Variants in NUGGC observed in about 807,000 individuals in gnomAD.
The protein encoded by NUGGC is nuclear GTPase, germinal center associated.
NUGGC carries 58 observed loss-of-function variants against 92.6 expected under a neutral mutation model. That is an observed-to-expected ratio of 0.63 (90% CI 0.51 to 0.78). NUGGC has a LOEUF of 0.78. Among genes scored for constraint, NUGGC ranks in the 30% least tolerant of loss-of-function variants. The probability of loss-of-function intolerance (pLI) is 0.00; values close to 1 mark genes in which losing one functional copy is unlikely to be tolerated. For missense variants in NUGGC, 925 were observed against 964.6 expected (o/e 0.96, Z 0.54); for synonymous variants, 376 against 366.4 (o/e 1.03, Z -0.30).
chr8:28,032,970 G>C (rs1336555539), intron 14 of NUGGC, among the ~76,000 whole-genome samples: 1 of 151,702 alleles, frequency 6.6e-6, no homozygotes, highest in Non-Finnish European at 1.5e-5. Context: ...GACCAAACTG[G>C]TCAACACAGC....
At chr8:28,033,491 C>T (rs1460665090) in intron 14 of NUGGC, 49 bp downstream of exon 14, 2 of 1,567,314 alleles carry the variant, frequency 1.3e-6, no homozygotes, top group Admixed American at 1.8e-5. Context: ...ACTGGCTCCA[C>T]ATTCTTCCGA....
Position 28,037,863 on chromosome 8 carries a change from G to T in NUGGC, c.1611+3188C>A, listed in dbSNP as rs4732809. Among the ~76,000 whole-genome samples, 62 of 150,184 alleles carry T rather than the reference G, an allele frequency of 4.1e-4. 1 individual carries two copies. Among genetic ancestry groups the T allele is most frequent in the Admixed American group, 3.2e-3 (48 of 15,172 alleles). ...AGTGGGGGCTGCTACCAGCACCTAG[G>T]GGGTAGAGTCTAGGGATGAAACAAC... On this transcript the variant is annotated intron_variant, in intron 13 of 18. Coordinates refer to ENST00000413272, the MANE Select transcript of NUGGC (RefSeq NM_001010906.2).
intron 13 of NUGGC, 141 bp downstream of exon 13, chr8:28,040,910 G>A (rs1313139141): frequency 6.6e-6 from 5 of 759,824 alleles, no homozygotes; most frequent in Non-Finnish European, 1.0e-5. Context: ...CTCCCAAAGT[G>A]CTGGGATTAC....
Position 28,045,607 on chromosome 8 carries a change from T to G in NUGGC, c.1366A>C (p.Arg456=), listed in dbSNP as rs373092592. The change falls in exon 12 of 19, where the codon AGG becomes CGG. Residue 456 remains arginine, a synonymous_variant. Transcript: ENST00000413272. ...TCAGTCACATACTTGGTCACTGTCCTCTTCTTCTTGTCCAAGAGGCTCTTC... is the reference window on the plus strand; with the variant it reads ...TCAGTCACATACTTGGTCACTGTCCGCTTCTTCTTGTCCAAGAGGCTCTTC... ...IRKSLLDKKK[R]TVTKYVTEAF... is the part of the protein sequence containing the mutation. The G allele has an allele frequency of 1.2e-6, 2 of 1,612,960 alleles. No homozygotes were observed. The highest frequency in any genetic ancestry group is 1.7e-6 in the Non-Finnish European group (2 of 1,179,566).
At chr8:28,083,277 C>A (rs955083174) in intron 1 of NUGGC, among the ~76,000 whole-genome samples, 1 of 152,172 alleles carries the variant, frequency 6.6e-6, no homozygotes, top group Admixed American at 6.5e-5. Context: ...GTGATGAGAA[C>A]AGCACTTTAA....
At chr8:28,035,187 C>G (rs185637389) in intron 13 of NUGGC, among the ~76,000 whole-genome samples, 4 of 152,360 alleles carry the variant, frequency 2.6e-5, no homozygotes, top group African/African-American at 9.6e-5. Context: ...TCTCAGCCCC[C>G]ACTCACTCAT....
At chr8:28,037,592 C>T (rs1809588087) in intron 13 of NUGGC, among the ~76,000 whole-genome samples, 1 of 152,208 alleles carries the variant, frequency 6.6e-6, no homozygotes, top group Admixed American at 6.5e-5. Context: ...AAAATGAACT[C>T]TACTCCTGCC....
chr8:28,056,972 T>C (rs865856935), intron 9 of NUGGC, among the ~76,000 whole-genome samples: 8 of 152,320 alleles, frequency 5.3e-5, no homozygotes, highest in Middle Eastern at 3.4e-3. Context: ...GTGATACTAA[T>C]GATCTCCATG....
intron 13 of NUGGC, among the ~76,000 whole-genome samples, chr8:28,036,131 C>T (rs1323194030): frequency 6.6e-6 from 1 of 152,174 alleles, no homozygotes; most frequent in Non-Finnish European, 1.5e-5. Flanking sequence ...GCCTCAGCCT[C>T]CCAAAGTGCT....
At chr8:28,042,677 G>A (rs921801210) in intron 12 of NUGGC, among the ~76,000 whole-genome samples, 2 of 152,110 alleles carry the variant, frequency 1.3e-5, no homozygotes, top group African/African-American at 4.8e-5. Flanking sequence ...CCCTGGATAG[G>A]AACTTGCCAA....
At chr8:28,041,434 T>C (rs1284678671) in intron 12 of NUGGC, among the ~76,000 whole-genome samples, 2 of 152,252 alleles carry the variant, frequency 1.3e-5, no homozygotes, top group Non-Finnish European at 2.9e-5. Flanking sequence ...GTGCAACTTA[T>C]TTCATTTCTT....
intron 13 of NUGGC, 28 bp from the exon 14 acceptor site, chr8:28,033,725 G>C: frequency 1.2e-6 from 2 of 1,608,084 alleles, no homozygotes; most frequent in African/African-American, 1.3e-5. Context: ...AATTAGCAGA[G>C]TTAGGCATTA....
At chr8:28,035,318 C>G (rs569502467) in intron 13 of NUGGC, among the ~76,000 whole-genome samples, 1 of 152,314 alleles carries the variant, frequency 6.6e-6, no homozygotes, top group East Asian at 1.9e-4. Context: ...GGCTTAAAAA[C>G]AAACAGTAAA....
chr8:28,070,443 G>A (rs1454295392), intron 2 of NUGGC, 87 bp from the exon 3 acceptor site: 6 of 697,200 alleles, frequency 8.6e-6, no homozygotes, highest in Non-Finnish European at 1.2e-5. Context: ...AACTCAAAGG[G>A]TCTAACAGAC....
rs567025068 is a variant in NUGGC, at chr8:28,053,435, A to G, written c.1206+2530T>C. Among the ~76,000 whole-genome samples, 9 of 152,290 alleles carry G rather than the reference A, an allele frequency of 5.9e-5. No homozygotes were observed. In the South Asian group the frequency reaches 1.5e-3, roughly 25 times the overall value. On this transcript the variant is annotated intron_variant, in intron 10 of 18. Coordinates refer to ENST00000413272, the MANE Select transcript of NUGGC (RefSeq NM_001010906.2). ...CAGGAATTCAACGTTGCAGTGAGTT[A>G]TCATTGTGCCACTACACTCCAGCCT...
At chr8:28,070,217 G>T (rs373935545) in intron 3 of NUGGC, 35 bp downstream of exon 3, 2 of 1,516,688 alleles carry the variant, frequency 1.3e-6, no homozygotes, top group South Asian at 2.4e-5. Flanking sequence ...GAACAGAACC[G>T]AACCATGTTA....
chr8:28,029,104 C>T (rs1439263579), intron 17 of NUGGC, among the ~76,000 whole-genome samples, 162 bp downstream of exon 17: 1 of 152,152 alleles, frequency 6.6e-6, no homozygotes, highest in Non-Finnish European at 1.5e-5. Context: ...AGGAGAGGCA[C>T]AAGAGAGTGT....
Position 28,083,812 on chromosome 8 carries a change from G to C in NUGGC, c.-84C>G, listed in dbSNP as rs570505048. 6.6e-6 allele frequency: 1 copy of C among 151,794 alleles called. No homozygotes were observed. The highest frequency in any genetic ancestry group is 1.5e-5 in the Non-Finnish European group (1 of 67,962). 9.4% of individuals were successfully genotyped at this position (151,794 alleles called of 1,614,324 possible). Reference sequence around the variant, plus strand: ...AACAGAAAAAAAAAAAAAAAGTTCTGGTTTGGTTACAGGAGTCCACAGAGG... The same window carrying C: ...AACAGAAAAAAAAAAAAAAAGTTCTCGTTTGGTTACAGGAGTCCACAGAGG... On this transcript the variant is annotated 5_prime_UTR_variant, in exon 1 of 19. Coordinates refer to ENST00000413272, the MANE Select transcript of NUGGC (RefSeq NM_001010906.2).
chr8:28,060,157 C>G (rs1449142007), intron 8 of NUGGC: 20 of 584,304 alleles, frequency 3.4e-5, no homozygotes, highest in Non-Finnish European at 5.8e-5. Flanking sequence ...CCATCTGCAT[C>G]TGGTACATGT....
Sources: allele counts gnomAD v4.1 joint callset (sites outside exome capture counted in the v4.1 genomes callset), GRCh38; gene constraint gnomAD v4.1.1; transcripts MANE v1.5; gene names NCBI Gene and HGNC (gene_info 2026-07-23, HGNC 2026-07-21).